TSC1: variants seen among roughly 807,000 people sequenced by gnomAD.
The protein encoded by TSC1 is TSC complex subunit 1, also known as hamartin.
A neutral mutation model predicts 124.3 loss-of-function variants in TSC1; 20 were observed. That is an observed-to-expected ratio of 0.16 (90% CI 0.11 to 0.23). The LOEUF (loss-of-function observed/expected upper bound fraction) is 0.23. Among genes scored for constraint, TSC1 ranks in the 10% least tolerant of loss-of-function variants. The pLI is 1.00. For synonymous variants in TSC1, 493 were observed against 539.1 expected, an observed-to-expected ratio of 0.91 and a Z score of 1.19; for missense variants, 1,124 against 1,448.5, an observed-to-expected ratio of 0.78 and a Z score of 3.64.
intron 8 of TSC1, among the ~76,000 whole-genome samples, chr9:132,918,333 G>A (rs987633073): frequency 6.6e-6 from 1 of 152,126 alleles, no homozygotes; most frequent in African/African-American, 2.4e-5. Flanking sequence ...AAAATCATGA[G>A]GAACTTATAG....
intron 1 of TSC1, among the ~76,000 whole-genome samples, chr9:132,936,375 C>T (rs1847459586): frequency 6.6e-6 from 1 of 152,162 alleles, no homozygotes; most frequent in South Asian, 2.1e-4. Flanking sequence ...CCAAGGCCTC[C>T]CAAGGTGCTA....
At chr9:132,916,870 G>A (rs115887871) in intron 8 of TSC1, among the ~76,000 whole-genome samples, 82 of 152,218 alleles carry the variant, frequency 5.4e-4, no homozygotes, top group African/African-American at 1.8e-3. Context: ...CCTGTAAAAC[G>A]GTCATGATCA....
rs1844777967 is a variant in TSC1, at chr9:132,891,689, CTAGAT to C, written c.*4541_*4545del. On this transcript the variant is annotated 3_prime_UTR_variant, in exon 23 of 23. Transcript: ENST00000298552. ...GTTCATTCATGATTGAGTTATAAAACTAGATTATGTCTTAGCAAAATCTGTTCCTC... is the reference window on the plus strand; with the variant it reads ...GTTCATTCATGATTGAGTTATAAAACTATGTCTTAGCAAAATCTGTTCCTC... 1 of 233,606 alleles carries C rather than the reference CTAGAT, an allele frequency of 4.3e-6. No homozygotes were observed. The allele number at this position is 233,606 out of a possible 1,614,324, so 14.5% of individuals were successfully genotyped here.
At position 132,900,857 on chromosome 9, in the gene TSC1, A is replaced by G. The variant is rs539758749; in HGVS notation, c.2503-20T>C. ...TGAGAGCTAACCAAAAAACATGAGC[A>G]AAGTGAAAAATCCGACGACATAAAA... On this transcript the variant is annotated intron_variant, in intron 19 of 22. Coordinates refer to ENST00000298552, the MANE Select transcript of TSC1 (RefSeq NM_000368.5). 2 of 1,613,812 alleles carry G rather than the reference A, an allele frequency of 1.2e-6. No homozygotes were observed. The highest frequency in any genetic ancestry group is 1.3e-5 in the African/African-American group (1 of 74,930).
intron 1 of TSC1, among the ~76,000 whole-genome samples, chr9:132,938,855 T>C (rs1304347323): frequency 2.0e-5 from 3 of 152,192 alleles, no homozygotes; most frequent in Non-Finnish European, 4.4e-5. Context: ...TGCTGTGATA[T>C]GTGGCCTAGA....
rs1247109216 is a variant in TSC1, at chr9:132,923,217, T to C, written c.508+131A>G. On this transcript the variant is annotated intron_variant, in intron 6 of 22. Transcript: ENST00000298552. The surrounding 1 kb of genome is among the most constrained non-coding windows in gnomAD (Gnocchi z 4.2). ...TGGATGCACCCAAGATATTCCCTCA[T>C]CTGTCTGGTGAAAACCACTCATTTC... 2 of 1,292,644 alleles carry C rather than the reference T, an allele frequency of 1.5e-6. No individual in the cohort carries two copies. Among genetic ancestry groups the C allele is most frequent in the African/African-American group, 1.5e-5 (1 of 67,208 alleles). 80.1% of individuals were successfully genotyped at this position (1,292,644 alleles called of 1,614,324 possible). A position where few individuals can be genotyped will look rare whatever the true frequency, so the allele number is the denominator to read the frequency against.
At position 132,911,130 on chromosome 9, in the gene TSC1, G is replaced by T. The variant is rs1432784303; in HGVS notation, c.1030-17C>A. On this transcript the variant is annotated splice_polypyrimidine_tract_variant and intron_variant, in intron 10 of 22. Coordinates refer to ENST00000298552, the MANE Select transcript of TSC1 (RefSeq NM_000368.5). Reference sequence around the variant, plus strand: ...AAGAGTAGCCTGGGAAGTTAATAAAGTACATCAGCAGTGGCAAAGGAATGC... The same window carrying T: ...AAGAGTAGCCTGGGAAGTTAATAAATTACATCAGCAGTGGCAAAGGAATGC... 1 of 1,592,948 alleles carries T rather than the reference G, an allele frequency of 6.3e-7. No individual in the cohort carries two copies. The highest frequency in any genetic ancestry group is 1.7e-5 in the Admixed American group (1 of 59,986).
At chr9:132,909,350 T>G (rs1845827761) in intron 12 of TSC1, among the ~76,000 whole-genome samples, 1 of 152,248 alleles carries the variant, frequency 6.6e-6, no homozygotes, top group African/African-American at 2.4e-5. Flanking sequence ...CTCAAATTAC[T>G]AACTAAGCTT....
rs528070177 is a variant in TSC1, at chr9:132,916,614, A to G, written c.738-4157T>C. Among the ~76,000 whole-genome samples the G allele has an allele frequency of 5.0e-4, 76 of 152,274 alleles. 1 individual carries two copies. Among genetic ancestry groups the G allele is most frequent in the Admixed American group, 5.9e-4 (9 of 15,286 alleles). On this transcript the variant is annotated intron_variant, in intron 8 of 22. Transcript: ENST00000298552. ...CTATGATAATATTTCCTTTCTTGTA[A>G]GTTTTAATTGTTCTGTTTCTCTTCC...
chr9:132,911,623 GT>G (rs1845972821), intron 9 of TSC1, 55 bp from the exon 10 acceptor site: 1 of 148,510 alleles, frequency 6.7e-6, no homozygotes, highest in South Asian at 9.4e-5. Context: ...GGTTATTCTG[GT>G]TAAAAAAAAA....
intron 3 of TSC1, among the ~76,000 whole-genome samples, chr9:132,928,367 TA>T (rs1190661812): frequency 2.6e-5 from 4 of 152,248 alleles, no homozygotes; most frequent in African/African-American, 9.6e-5. Flanking sequence ...ATTCAATATT[TA>T]ATTTTGCCAA....
chr9:132,901,671 A>G lies in TSC1; in HGVS notation c.2420T>C (p.Ile807Thr), dbSNP rs118203690. The part of the protein sequence containing the change: ...QTKLEDCRNM[I>T]AELRIELKKA... ...CTTCAGTTCTATCCGCAGCTCCGCA[A>G]TCATGTTCCTGCAGTCCTCCAGCTT... The change falls in exon 19 of 23, where the codon ATT becomes ACT. Residue 807 changes from isoleucine (I) to threonine (T), a missense_variant. Around this residue, in one of 5 missense-constraint regions of TSC1, gnomAD observed 321 missense variants for 397.4 expected, o/e 0.81. Coordinates refer to ENST00000298552, the MANE Select transcript of TSC1 (RefSeq NM_000368.5). The G allele has an allele frequency of 8.1e-6, 13 of 1,613,992 alleles. No homozygotes were observed. The highest frequency in any genetic ancestry group is 1.0e-5 in the Non-Finnish European group (12 of 1,180,034).
intron 4 of TSC1, 167 bp from the exon 5 acceptor site, chr9:132,925,906 C>T: frequency 1.2e-6 from 1 of 868,968 alleles, no homozygotes; most frequent in Non-Finnish European, 1.8e-6. Context: ...CGTTAGCAAA[C>T]AAAACACTGC....
At chr9:132,900,586 G>T in intron 20 of TSC1, 129 bp downstream of exon 20, 1 of 1,477,162 alleles carries the variant, frequency 6.8e-7, no homozygotes, top group Non-Finnish European at 9.4e-7. Context: ...GGACCACGGA[G>T]TAGTGGGACT....
At chr9:132,927,341 C>T (rs2132272820) in intron 3 of TSC1, 37 bp from the exon 4 acceptor site, 3 of 1,580,856 alleles carry the variant, frequency 1.9e-6, no homozygotes, top group South Asian at 1.1e-5. Flanking sequence ...ATACTTATTC[C>T]CCTTAACATC....
chr9:132,918,761 A>C (rs1257241980), intron 8 of TSC1, among the ~76,000 whole-genome samples: 1 of 152,214 alleles, frequency 6.6e-6, no homozygotes, highest in Non-Finnish European at 1.5e-5. Context: ...CACTATTTCC[A>C]ACAGATGCTC....
intron 2 of TSC1, among the ~76,000 whole-genome samples, chr9:132,934,694 T>C (rs1847366814): frequency 1.3e-5 from 2 of 152,262 alleles, no homozygotes; most frequent in Non-Finnish European, 2.9e-5. Context: ...AACCAAACTT[T>C]GCTGCTAAAC....
At chr9:132,937,100 G>A (rs73552875) in intron 1 of TSC1, among the ~76,000 whole-genome samples, 197 of 152,334 alleles carry the variant, frequency 1.3e-3, no homozygotes, top group African/African-American at 3.5e-3. Flanking sequence ...TTCTGACAGG[G>A]AGTGCTTGCC....
intron 18 of TSC1, 197 bp from the exon 19 acceptor site, chr9:132,901,896 GA>G (rs1845394875): frequency 1.8e-6 from 1 of 569,804 alleles, no homozygotes; most frequent in South Asian, 2.2e-5. Flanking sequence ...TTTAACAAAA[GA>G]AAAAAAGAGA....
Sources: allele counts gnomAD v4.1 joint callset (sites outside exome capture counted in the v4.1 genomes callset), GRCh38; gene constraint gnomAD v4.1.1; regional missense constraint gnomAD v4.1.1; non-coding constraint Gnocchi (gnomAD v3.1); transcripts MANE v1.5; gene names NCBI Gene and HGNC (gene_info 2026-07-23, HGNC 2026-07-21).